The following EFNB2 variants were observed in gnomAD, a reference collection of about 807,000 sequenced individuals.
EFNB2 encodes the protein ephrin B2.
In EFNB2, 5 loss-of-function variants were observed where a neutral mutation model predicts 32.1. The observed-to-expected ratio is 0.16, with a 90% CI of 0.08 to 0.33. EFNB2 has a LOEUF of 0.33. Ranked by LOEUF, EFNB2 falls within the 10% of genes least tolerant of loss-of-function variation. The probability of loss-of-function intolerance (pLI) is 1.00; values close to 1 mark genes in which losing one functional copy is unlikely to be tolerated. For synonymous variants in EFNB2, 168 were observed against 166.5 expected (o/e 1.01, Z -0.07); for missense variants, 263 against 422.6 (o/e 0.62, Z 3.31).
chr13:106,535,022 G>C lies in EFNB2; in HGVS notation c.-58C>G. 1 of 1,600,748 alleles carries C rather than the reference G, an allele frequency of 6.2e-7. No homozygotes were observed. The highest frequency in any genetic ancestry group is 8.5e-7 in the Non-Finnish European group (1 of 1,174,182). On this transcript the variant is annotated 5_prime_UTR_variant, in exon 1 of 5. Coordinates refer to ENST00000646441, the MANE Select transcript of EFNB2 (RefSeq NM_004093.4). ...GCCAAGAAGGGACTGACGGGACGCA[G>C]GCTGGGACCCCCAATCCTCCGGGGC...
At chr13:106,521,557 C>T (rs1879521249) in intron 1 of EFNB2, 1 of 152,160 alleles carries the variant, frequency 6.6e-6, no homozygotes, top group South Asian at 2.1e-4. Context: ...TAAACACAAT[C>T]CATTTTCCTC....
chr13:106,534,729 G>A, intron 1 of EFNB2, 114 bp downstream of exon 1: 4 of 1,280,792 alleles, frequency 3.1e-6, no homozygotes, highest in Non-Finnish European at 4.2e-6. Context: ...GGGGGACGGG[G>A]AACCGAGGTT....
intron 3 of EFNB2, 99 bp downstream of exon 3, chr13:106,495,646 AAAG>A: frequency 1.7e-6 from 2 of 1,158,374 alleles, no homozygotes; most frequent in African/African-American, 1.6e-5. Context: ...TGAAAACTAA[AAAG>A]AAGAGCGAAT....
chr13:106,510,616 C>A (rs1042263038), intron 2 of EFNB2, among the ~76,000 whole-genome samples: 7 of 151,082 alleles, frequency 4.6e-5, no homozygotes, highest in African/African-American at 1.7e-4. Flanking sequence ...TCTCCCACCC[C>A]ACCTAGGGGC....
In EFNB2 at chr13:106,503,557, T is replaced by C. The variant is rs150308179; in HGVS notation, c.407-7717A>G. Among the ~76,000 whole-genome samples the C allele has an allele frequency of 3.4e-3, 523 of 152,316 alleles. 2 individuals carry two copies. Among genetic ancestry groups the C allele is most frequent in the African/African-American group, 0.012 (497 of 41,568 alleles). ...TACAGGGACTCGAGGTCCTAAGTTCTGGATTAAATGAAGGTTGCCAGGTGG... is the reference window on the plus strand; with the variant it reads ...TACAGGGACTCGAGGTCCTAAGTTCCGGATTAAATGAAGGTTGCCAGGTGG... On this transcript the variant is annotated intron_variant, in intron 2 of 4. Coordinates refer to ENST00000646441, the MANE Select transcript of EFNB2 (RefSeq NM_004093.4).
chr13:106,497,840 C>T (rs760442366), intron 2 of EFNB2, among the ~76,000 whole-genome samples: 2 of 152,140 alleles, frequency 1.3e-5, no homozygotes, highest in Non-Finnish European at 2.9e-5. Flanking sequence ...TGAGCAGATC[C>T]TATTTCTGGA....
rs1878339924 is a variant in EFNB2, at chr13:106,489,880, C to T, written c.*3160G>A. ...ACTAAAGCAGATTTAAAACCTATGA[C>T]AGGCTATTAAAATAAAACAAAGAAA... On this transcript the variant is annotated 3_prime_UTR_variant, in exon 5 of 5. Transcript: ENST00000646441. 1 of 152,396 alleles carries T rather than the reference C, an allele frequency of 6.6e-6. No individual in the cohort carries two copies. The highest frequency in any genetic ancestry group is 6.6e-5 in the Admixed American group (1 of 15,252). 9.4% of individuals were successfully genotyped at this position (152,396 alleles called of 1,614,324 possible).
At chr13:106,494,376 C>G (rs962478031) in intron 4 of EFNB2, among the ~76,000 whole-genome samples, 1 of 152,154 alleles carries the variant, frequency 6.6e-6, no homozygotes, top group Non-Finnish European at 1.5e-5. Flanking sequence ...TGTCAGGGAC[C>G]TGTTTAATAT....
chr13:106,493,043 G>C lies in EFNB2; in HGVS notation c.999C>G (p.Val333=). 1.2e-6 allele frequency: 2 copies of C among 1,608,260 alleles called. No homozygotes were observed. Among genetic ancestry groups the C allele is most frequent in the Non-Finnish European group, 1.7e-6 (2 of 1,176,672 alleles). The change falls in exon 5 of 5, where the codon GTC becomes GTG. Residue 333 remains valine, a synonymous_variant. Transcript: ENST00000646441. This position sits in a 1 kb window ranked among gnomAD's most constrained non-coding sequence, Gnocchi z 6.1. Reference sequence around the variant, plus strand: ...ACAGGTACCACCAGGGTCCCTCTCAGACCTTGTAGTAAATGTTCGCCGGGC... The same window carrying C: ...ACAGGTACCACCAGGGTCCCTCTCACACCTTGTAGTAAATGTTCGCCGGGC... ...PQSPANIYYK[V]
At chr13:106,508,959 T>G (rs1879047024) in intron 2 of EFNB2, among the ~76,000 whole-genome samples, 1 of 152,160 alleles carries the variant, frequency 6.6e-6, no homozygotes, top group Admixed American at 6.5e-5. Context: ...CAAATCAAAT[T>G]AAATGTTTTT....
chr13:106,503,764 G>GA (rs113767795), intron 2 of EFNB2, among the ~76,000 whole-genome samples: 7,512 of 144,592 alleles, frequency 0.052, 235 homozygotes, highest in Non-Finnish European at 0.065. Context: ...CCCATGTCTT[G>GA]AAAAAAAAAA....
chr13:106,522,005 T>A (rs1594175243), intron 1 of EFNB2, among the ~76,000 whole-genome samples: 1 of 151,750 alleles, frequency 6.6e-6, no homozygotes, highest in East Asian at 1.9e-4. Flanking sequence ...AAGACAAAAC[T>A]CAACCACCTA....
chr13:106,502,851 A>AGC (rs1555324201), intron 2 of EFNB2, among the ~76,000 whole-genome samples: 1 of 151,882 alleles, frequency 6.6e-6, no homozygotes, highest in South Asian at 2.1e-4. Flanking sequence ...GAAGAGCAGA[A>AGC]AGTGATGGCA....
chr13:106,519,688 T>C (rs1240329099), intron 1 of EFNB2: 1 of 152,182 alleles, frequency 6.6e-6, no homozygotes, highest in Non-Finnish European at 1.5e-5. Flanking sequence ...AAACAAATGG[T>C]CACACACACC....
chr13:106,509,662 T>C (rs970480870), intron 2 of EFNB2, among the ~76,000 whole-genome samples: 1 of 150,472 alleles, frequency 6.6e-6, no homozygotes, highest in African/African-American at 2.5e-5. Context: ...TGTGTGTGTG[T>C]GTGTGTGTGC....
At position 106,492,716 on chromosome 13, in the gene EFNB2, A is replaced by C; in HGVS notation, c.*324T>G. 4.1e-6 allele frequency: 1 copy of C among 241,562 alleles called. No homozygotes were observed. The highest frequency in any genetic ancestry group is 7.9e-5 in the East Asian group (1 of 12,650). 15.0% of individuals were successfully genotyped at this position (241,562 alleles called of 1,614,324 possible). A position where few individuals can be genotyped will look rare whatever the true frequency, so the allele number is the denominator to read the frequency against. On this transcript the variant is annotated 3_prime_UTR_variant, in exon 5 of 5. Coordinates refer to ENST00000646441, the MANE Select transcript of EFNB2 (RefSeq NM_004093.4). This position sits in a 1 kb window ranked among gnomAD's most constrained non-coding sequence, Gnocchi z 5.1. The stretch of plus-strand genomic sequence containing the variant: ...CTCACAGCCCTCTCGTCCACAAACC[A>C]CTGTCTTCCCTTGGCTTCTGCAGAG...
At chr13:106,507,232 C>T (rs779281061) in intron 2 of EFNB2, among the ~76,000 whole-genome samples, 2 of 152,028 alleles carry the variant, frequency 1.3e-5, no homozygotes, top group African/African-American at 2.4e-5. Context: ...CTACATTTAT[C>T]GTACATAAAT....
intron 1 of EFNB2, among the ~76,000 whole-genome samples, chr13:106,534,082 G>T (rs1461717523): frequency 1.3e-5 from 2 of 152,184 alleles, no homozygotes; most frequent in Admixed American, 6.5e-5. Context: ...CGACTGGGCA[G>T]GGCCCTAAGC....
Position 106,503,144 on chromosome 13 carries a change from A to C in EFNB2, c.407-7304T>G, listed in dbSNP as rs377251998. Among the ~76,000 whole-genome samples, 12 of 152,178 alleles carry C rather than the reference A, an allele frequency of 7.9e-5. No individual in the cohort carries two copies. The East Asian group carries it at 2.3e-3, about 30-fold the overall frequency. ...GGAACAGCTTGGTGTCTTGATTTTT[A>C]ATAAATTCTGTTGAGGAAAAACATC... On this transcript the variant is annotated intron_variant, in intron 2 of 4. Coordinates refer to ENST00000646441, the MANE Select transcript of EFNB2 (RefSeq NM_004093.4).
Sources: gnomAD v4.1 joint callset for allele counts (sites outside exome capture counted in the v4.1 genomes callset) on GRCh38, gnomAD v4.1.1 for gene constraint, Gnocchi (gnomAD v3.1) non-coding constraint, MANE v1.5 for transcripts, NCBI Gene and HGNC (gene_info 2026-07-23, HGNC 2026-07-21) for gene names.